Variants in IGF1R observed in about 807,000 individuals in gnomAD.
IGF1R encodes the protein insulin like growth factor 1 receptor.
IGF1R carries 44 observed loss-of-function variants against 144.6 expected under a neutral mutation model. That is an observed-to-expected ratio of 0.30 (90% CI 0.24 to 0.39). The LOEUF is 0.39. IGF1R is among the 10% of genes least tolerant of loss of function. The pLI is 1.00. For missense variants in IGF1R, 1,355 were observed against 1,833.7 expected, an observed-to-expected ratio of 0.74 and a Z score of 4.77; for synonymous variants, 795 against 722.8, an observed-to-expected ratio of 1.10 and a Z score of -1.60.
intron 2 of IGF1R, among the ~76,000 whole-genome samples, chr15:98,798,906 A>C (rs905689470): frequency 3.9e-5 from 6 of 152,152 alleles, no homozygotes; most frequent in African/African-American, 1.2e-4. Flanking sequence ...CAGCCTCTCA[A>C]GGGTTCGTTC....
intron 5 of IGF1R, among the ~76,000 whole-genome samples, chr15:98,908,087 T>G (rs567385008): frequency 3.9e-5 from 6 of 152,330 alleles, no homozygotes; most frequent in African/African-American, 1.2e-4. Context: ...GAGCACTGCA[T>G]GTTAGTGGCT....
rs1387472035 is a variant in IGF1R at position 98,761,164 on chromosome 15, C to G, written c.640+53057C>G. ...CCCTGGCTCTGAGTTCCAGAGTGTT[C>G]TCCAGTAGGAGAGTCTGCAGGGGCA... On this transcript the variant is annotated intron_variant, in intron 2 of 20. Coordinates refer to ENST00000650285, the MANE Select transcript of IGF1R (RefSeq NM_000875.5). Among the ~76,000 whole-genome samples, 3 of 152,188 alleles carry G rather than the reference C, an allele frequency of 2.0e-5. No homozygotes were observed. The East Asian group carries it at 5.8e-4, about 29-fold the overall frequency.
chr15:98,931,020 T>A (rs1385404645), intron 15 of IGF1R, among the ~76,000 whole-genome samples: 1 of 152,232 alleles, frequency 6.6e-6, no homozygotes, highest in Non-Finnish European at 1.5e-5. Flanking sequence ...TAGGGGCTTT[T>A]ACAAACACCA....
At chr15:98,741,026 G>A (rs1350892123) in intron 2 of IGF1R, among the ~76,000 whole-genome samples, 1 of 146,996 alleles carries the variant, frequency 6.8e-6, no homozygotes, top group Non-Finnish European at 1.5e-5. Flanking sequence ...GAAATACAAA[G>A]AGTGATAATG....
chr15:98,885,808 A>T (rs910365588), intron 2 of IGF1R, among the ~76,000 whole-genome samples: 47 of 146,668 alleles, frequency 3.2e-4, no homozygotes, highest in Non-Finnish European at 5.8e-4. Context: ...GAAGAGGTTG[A>T]GTCTCCTATT....
chr15:98,868,855 C>G (rs2012614508), intron 2 of IGF1R, among the ~76,000 whole-genome samples: 2 of 152,206 alleles, frequency 1.3e-5, no homozygotes, highest in African/African-American at 4.8e-5. Context: ...TTCTTCCCTT[C>G]CCTGCTAGTA....
intron 15 of IGF1R, among the ~76,000 whole-genome samples, chr15:98,930,777 G>A (rs946546792): frequency 6.6e-6 from 1 of 151,752 alleles, no homozygotes; most frequent in Admixed American, 6.6e-5. Context: ...ATTCCCTTCC[G>A]ACTAGGGTCA....
At chr15:98,763,953 G>C (rs946448197) in intron 2 of IGF1R, among the ~76,000 whole-genome samples, 2 of 152,212 alleles carry the variant, frequency 1.3e-5, no homozygotes, top group East Asian at 3.8e-4. Context: ...GGGTTCTTAG[G>C]AGGGGGCTGT....
At chr15:98,653,371 G>C (rs2052415043) in intron 1 of IGF1R, among the ~76,000 whole-genome samples, 1 of 152,206 alleles carries the variant, frequency 6.6e-6, no homozygotes, top group South Asian at 2.1e-4. Context: ...GCTGTTTTAA[G>C]ATGTTTTAAA....
intron 2 of IGF1R, among the ~76,000 whole-genome samples, chr15:98,776,206 A>G (rs1446589097): frequency 6.7e-6 from 1 of 149,928 alleles, no homozygotes; most frequent in Admixed American, 6.6e-5. Context: ...TTTTTTTGAG[A>G]TGGAGTCTTA....
In IGF1R at chr15:98,891,629, C is replaced by T. The variant is rs758297620; in HGVS notation, c.945C>T (p.Gly315=). The T allele has an allele frequency of 1.2e-6, 2 of 1,600,848 alleles. No individual in the cohort carries two copies. Among genetic ancestry groups the T allele is most frequent in the Admixed American group, 1.7e-5 (1 of 60,020 alleles). Residue 315 remains glycine (G), a synonymous_variant, in exon 3 of 21, where the codon GGC becomes GGT. Coordinates refer to ENST00000650285, the MANE Select transcript of IGF1R (RefSeq NM_000875.5). This position sits in a 1 kb window ranked among gnomAD's most constrained non-coding sequence, Gnocchi z 4.7. ...GCCCCTCGGGCTTCATCCGCAACGGCAGCCAGAGGTCAGTCGCGGCCACAC... is the reference window on the plus strand; with the variant it reads ...GCCCCTCGGGCTTCATCCGCAACGGTAGCCAGAGGTCAGTCGCGGCCACAC... ...QECPSGFIRN[G]SQSMYCIPCE...
intron 2 of IGF1R, among the ~76,000 whole-genome samples, chr15:98,797,348 A>G (rs1014942607): frequency 6.6e-6 from 1 of 152,228 alleles, no homozygotes; most frequent in Non-Finnish European, 1.5e-5. Flanking sequence ...CTCAGGGGGA[A>G]GGTAAACCTG....
chr15:98,804,859 T>C (rs1268353789), intron 2 of IGF1R, among the ~76,000 whole-genome samples: 1 of 152,192 alleles, frequency 6.6e-6, no homozygotes, highest in Non-Finnish European at 1.5e-5. Context: ...CACGCCTGGC[T>C]AATTTTTTGA....
chr15:98,839,412 TC>T (rs1567155070), intron 2 of IGF1R, among the ~76,000 whole-genome samples: 2 of 151,714 alleles, frequency 1.3e-5, no homozygotes, highest in Non-Finnish European at 1.5e-5. Flanking sequence ...CCACCCACCC[TC>T]CCAGCCACAT....
At chr15:98,883,764 C>T (rs1229316893) in intron 2 of IGF1R, among the ~76,000 whole-genome samples, 1 of 152,174 alleles carries the variant, frequency 6.6e-6, no homozygotes, top group African/African-American at 2.4e-5. Context: ...AATAAAGATA[C>T]CCTTTCTGTC....
In IGF1R at chr15:98,881,353, C is replaced by T. The variant is rs533911785; in HGVS notation, c.641-9972C>T. Among the ~76,000 whole-genome samples the T allele has an allele frequency of 3.3e-5, 5 of 152,366 alleles. No individual in the cohort carries two copies. The East Asian group carries it at 9.6e-4, about 29-fold the overall frequency. ...TATTTATTTTTGAGATGGAGTCTCACTCTGTCACCCAGGCTGGAGCGCAGT... is the reference window on the plus strand; with the variant it reads ...TATTTATTTTTGAGATGGAGTCTCATTCTGTCACCCAGGCTGGAGCGCAGT... On this transcript the variant is annotated intron_variant, in intron 2 of 20. Transcript: ENST00000650285.
In IGF1R at chr15:98,795,360, A is replaced by AC. The variant is rs1181280642; in HGVS notation, c.640+87254dup. 7.2e-5 allele frequency among the ~76,000 whole-genome samples: 11 copies of AC among 152,326 alleles called. No individual in the cohort carries two copies. The East Asian group carries it at 1.2e-3, about 16-fold the overall frequency. On this transcript the variant is annotated intron_variant, in intron 2 of 20. Transcript: ENST00000650285. The stretch of plus-strand genomic sequence containing the variant: ...ATCAGTAAGTTAAAAACTTAAAAAT[A>AC]CACAAATGATTAGATTAGCATTATT...
chr15:98,869,676 C>A (rs950468573), intron 2 of IGF1R, among the ~76,000 whole-genome samples: 1 of 152,086 alleles, frequency 6.6e-6, no homozygotes, highest in Non-Finnish European at 1.5e-5. Context: ...CTCAGGTGAT[C>A]CACGCGCCTC....
chr15:98,930,452 CT>C, intron 15 of IGF1R, 147 bp downstream of exon 15: 1 of 611,010 alleles, frequency 1.6e-6, no homozygotes, highest in South Asian at 1.9e-5. Context: ...ATATTTCTTT[CT>C]TTCTTTTTTT....
Sources: allele counts gnomAD v4.1 joint callset (sites outside exome capture counted in the v4.1 genomes callset), GRCh38; gene constraint gnomAD v4.1.1; non-coding constraint Gnocchi (gnomAD v3.1); transcripts MANE v1.5; gene names NCBI Gene and HGNC (gene_info 2026-07-23, HGNC 2026-07-21).